Variants in FGA observed in about 807,000 individuals in gnomAD.
FGA encodes fibrinogen alpha chain.
Under a neutral mutation model 20.3 loss-of-function variants are expected in FGA, and 20 were observed. The observed-to-expected ratio is 0.99, with a 90% CI of 0.69 to 1.43. The LOEUF (loss-of-function observed/expected upper bound fraction) is 1.43, where lower values mean the gene tolerates loss of function less well. Among genes scored for constraint, FGA ranks in the 40% most tolerant of loss-of-function variants. FGA has a pLI of 0.00. For synonymous variants in FGA, 306 were observed against 281.6 expected, an observed-to-expected ratio of 1.09 and a Z score of -0.87; for missense variants, 777 against 784.7, an observed-to-expected ratio of 0.99 and a Z score of 0.12.
In FGA at chr4:154,589,422, C is replaced by T. The variant is rs768859554; in HGVS notation, c.180+15G>A. 3 of 1,613,632 alleles carry T rather than the reference C, an allele frequency of 1.9e-6. No individual in the cohort carries two copies. The highest frequency in any genetic ancestry group is 1.7e-5 in the Admixed American group (1 of 59,984). On this transcript the variant is annotated intron_variant, in intron 2 of 4. Coordinates refer to ENST00000403106, the MANE Select transcript of FGA (RefSeq NM_021871.4). Reference sequence around the variant, plus strand: ...AGAGGGAAGGAATCTCCTGCTTCCCCCGCTGACTGCTTACCCAGTCTTCAT... The same window carrying T: ...AGAGGGAAGGAATCTCCTGCTTCCCTCGCTGACTGCTTACCCAGTCTTCAT...
At chr4:154,584,088 A>AGG, downstream of FGA, 1 of 866,518 alleles carries the variant, frequency 1.2e-6, no homozygotes, top group Non-Finnish European at 1.6e-6. Context: ...TTCTCTAGCA[A>AGG]AGAAGACAGA....
chr4:154,587,756 A>AAAGGAAGGAAGG lies in FGA; in HGVS notation c.365-100_365-99insCCTTCCTTCCTT, dbSNP rs1730767749. ...AGAAAGGAAGGAAGGAGAAAGAAAG[A>AAAGGAAGGAAGG]AAGAAAGAAAGAAAGAAAGAAAGAA... is the stretch of plus-strand genomic sequence containing the variant. On this transcript the variant is annotated intron_variant, in intron 3 of 4. Transcript: ENST00000403106. The AAAGGAAGGAAGG allele has an allele frequency of 8.0e-6, 4 of 500,920 alleles. No homozygotes were observed. The African/African-American group carries it at 9.0e-5, about 11-fold the overall frequency. The allele number at this position is 500,920 out of a possible 1,614,324, so 31.0% of individuals were successfully genotyped here.
Position 154,585,861 on chromosome 4 carries a change from G to A in FGA, c.1568C>T (p.Ala523Val), listed in dbSNP as rs752253432. Residue 523 changes from alanine to valine, a missense_variant, in exon 5 of 5, where the codon GCC (alanine) becomes GTC (valine). Transcript: ENST00000403106. ...ACCTGGGAATGTTTTTCCAGTTGAG[G>A]CAGTGTCGAAGAAGGCAGCTTCATC... is the stretch of plus-strand genomic sequence containing the variant. ...HPDEAAFFDTASTGKTFPGFF... is the reference protein window; with the variant it reads ...HPDEAAFFDTVSTGKTFPGFF... 3 of 1,614,120 alleles carry A rather than the reference G, an allele frequency of 1.9e-6. No homozygotes were observed. The highest frequency in any genetic ancestry group is 1.1e-5 in the South Asian group (1 of 91,086).
chr4:154,586,056 C>G lies in FGA; in HGVS notation c.1373G>C (p.Arg458Pro). The G allele has an allele frequency of 3.1e-6, 5 of 1,614,106 alleles. No homozygotes were observed. The highest frequency in any genetic ancestry group is 4.2e-6 in the Non-Finnish European group (5 of 1,180,010). ...AGTAACGGTTTTAGAGCATGAACGA[C>G]GCGTGGTGGTTGTGCTACCAGAGGT... ...KVTSGSTTTT[R>P]RSCSKTVTKT... The change falls in exon 5 of 5, where the codon CGT becomes CCT. Residue 458 changes from arginine (R) to proline (P), a missense_variant. Physicochemically the swap from Arg to Pro is moderately radical, Grantham distance 103. Transcript: ENST00000403106.
chr4:154,585,565 C>T lies in FGA; in HGVS notation c.1864G>A (p.Gly622Ser). 1.2e-6 allele frequency: 2 copies of T among 1,614,110 alleles called. No homozygotes were observed. The highest frequency in any genetic ancestry group is 1.7e-6 in the Non-Finnish European group (2 of 1,179,990). Residue 622 changes from glycine (G) to serine (S), a missense_variant, in exon 5 of 5, where the codon GGC (glycine) becomes AGC (serine). Transcript: ENST00000403106. ...DHEGTHSTKR[G>S]HAKSRPVRGI... ...CTGACAGGGCGAGATTTAGCATGGC[C>T]TCTCTTGGTGCTATGTGTTCCTTCA... is the stretch of plus-strand genomic sequence containing the variant.
chr4:154,583,997 A>G, downstream of FGA: 1 of 751,080 alleles, frequency 1.3e-6, no homozygotes, highest in Middle Eastern at 3.7e-4. Flanking sequence ...GCTACAGTAC[A>G]AAGGATAAGA....
At chr4:154,584,624 C>A, downstream of FGA, 1 of 1,614,200 alleles carries the variant, frequency 6.2e-7, no homozygotes. Flanking sequence ...TCCCCCTCGT[C>A]ATTCAGGCTG....
In FGA at chr4:154,586,817, A is replaced by G. The variant is rs142656598; in HGVS notation, c.612T>C (p.Leu204=). The part of the protein sequence containing the change: ...LKDYEDQQKQ[L]EQVIAKDLLP... ...GTAAGTCTTTGGCAATGACCTGTTC[A>G]AGTTGCTTCTGCTGATCTTCATAGT... Residue 204 remains leucine (L), a synonymous_variant, in exon 5 of 5, where the codon CTT becomes CTC. Transcript: ENST00000403106. 1 of 1,614,084 alleles carries G rather than the reference A, an allele frequency of 6.2e-7. No individual in the cohort carries two copies. Among genetic ancestry groups the G allele is most frequent in the Non-Finnish European group, 8.5e-7 (1 of 1,180,042 alleles).
At position 154,586,803 on chromosome 4, in the gene FGA, G is replaced by T. The variant is rs754490462; in HGVS notation, c.626C>A (p.Ala209Asp). 13 of 1,614,126 alleles carry T rather than the reference G, an allele frequency of 8.1e-6. No individual in the cohort carries two copies. The highest frequency in any genetic ancestry group is 1.0e-5 in the Non-Finnish European group (12 of 1,180,024). The change falls in exon 5 of 5, where the codon GCC (alanine) becomes GAC (aspartate). Residue 209 changes from alanine (A) to aspartate (D), a missense_variant. Transcript: ENST00000403106. The part of the protein sequence containing the change: ...DQQKQLEQVI[A>D]KDLLPSRDRQ... ...ATCTCTAGAGGGAAGTAAGTCTTTG[G>T]CAATGACCTGTTCAAGTTGCTTCTG... is the stretch of plus-strand genomic sequence containing the variant.
chr4:154,588,286 T>A (rs1359335303), intron 3 of FGA, among the ~76,000 whole-genome samples: 1 of 152,196 alleles, frequency 6.6e-6, no homozygotes, highest in Non-Finnish European at 1.5e-5. Context: ...TCGCTGTCCA[T>A]GCCCAGAGTG....
chr4:154,584,112 C>A, downstream of FGA: 1 of 1,599,898 alleles, frequency 6.3e-7, no homozygotes, highest in South Asian at 1.1e-5. Context: ...CTCCCATTCC[C>A]ACTTCTTCAG....
Position 154,586,182 on chromosome 4 carries a change from A to T in FGA, c.1247T>A (p.Val416Glu). ...NNPDWGTFEE[V>E]SGNVSPGTRR... ...TGTCCCTGGACTTACATTTCCTGAC[A>T]CCTCTTCAAATGTGCCCCAGTCTGG... The change falls in exon 5 of 5, where the codon GTG becomes GAG. Residue 416 changes from valine (V) to glutamate (E), a missense_variant. Physicochemically the swap from Val to Glu is moderately radical, Grantham distance 121. Transcript: ENST00000403106. The T allele has an allele frequency of 6.2e-7, 1 of 1,613,940 alleles. No individual in the cohort carries two copies. The highest frequency in any genetic ancestry group is 8.5e-7 in the Non-Finnish European group (1 of 1,179,992).
chr4:154,586,445 A>G lies in FGA; in HGVS notation c.984T>C (p.Pro328=), dbSNP rs765412352. ...TATWKPGSSG[P]GSTGSWNSGS... ...CAGAGTTCCAGCTTCCAGTACTTCC[A>G]GGTCCAGAGCTCCCAGGTTTCCAGG... Residue 328 remains proline, a synonymous_variant, in exon 5 of 5, where the codon CCT becomes CCC. Coordinates refer to ENST00000403106, the MANE Select transcript of FGA (RefSeq NM_021871.4). 17 of 1,609,328 alleles carry G rather than the reference A, an allele frequency of 1.1e-5. No homozygotes were observed. The highest frequency in any genetic ancestry group is 1.4e-5 in the Non-Finnish European group (16 of 1,177,176).
In FGA at chr4:154,587,637, G is replaced by T. The variant is rs781289913; in HGVS notation, c.385C>A (p.Arg129=). 1 of 1,613,610 alleles carries T rather than the reference G, an allele frequency of 6.2e-7. No homozygotes were observed. Among genetic ancestry groups the T allele is most frequent in the African/African-American group, 1.3e-5 (1 of 74,788 alleles). Residue 129 remains arginine (R), a synonymous_variant, in exon 4 of 5, where the codon CGA becomes AGA. Coordinates refer to ENST00000403106, the MANE Select transcript of FGA (RefSeq NM_021871.4). ...SANNRDNTYN[R]VSEDLRSRIE... is the part of the protein sequence containing the mutation. The stretch of plus-strand genomic sequence containing the variant: ...CTGCTTCTCAGATCCTCTGACACTC[G>T]GTTGTAGGTATTATCACGGTCTGAA...
rs765393367 is a variant in FGA at position 154,585,456 on chromosome 4, G to A, written c.*38C>T. 3 of 1,373,850 alleles carry A rather than the reference G, an allele frequency of 2.2e-6. No individual in the cohort carries two copies. Among genetic ancestry groups the A allele is most frequent in the Admixed American group, 1.7e-5 (1 of 58,754 alleles). The allele number at this position is 1,373,850 out of a possible 1,614,324, so 85.1% of individuals were successfully genotyped here. On this transcript the variant is annotated 3_prime_UTR_variant, in exon 5 of 5. Transcript: ENST00000403106. ...CAGAGAGTTAAGAAGGAAATGCAAGGGGCCATGGGAACACTGTGCAGAAAT... is the reference window on the plus strand; with the variant it reads ...CAGAGAGTTAAGAAGGAAATGCAAGAGGCCATGGGAACACTGTGCAGAAAT...
downstream of FGA, chr4:154,583,901 T>C: frequency 5.4e-6 from 3 of 554,550 alleles, no homozygotes; most frequent in Non-Finnish European, 9.6e-6. Flanking sequence ...TTTATAAAAA[T>C]GTTAAAACCC....
In FGA at chr4:154,587,745, GAGAAAGAAAGAAAGAAAGAA is replaced by G. The variant is rs60443975; in HGVS notation, c.365-108_365-89del. 1.2e-3 allele frequency: 604 copies of G among 524,180 alleles called. 2 individuals are homozygous for G. Among genetic ancestry groups the G allele is most frequent in the Middle Eastern group, 3.6e-3 (8 of 2,228 alleles). 32.5% of individuals were successfully genotyped at this position (524,180 alleles called of 1,614,324 possible). ...AAAAGAAAGGAAGAAAGGAAGGAAG[GAGAAAGAAAGAAAGAAAGAA>G]AGAAAGAAAGAAAGAAAGAAAGAAA... On this transcript the variant is annotated intron_variant, in intron 3 of 4. Coordinates refer to ENST00000403106, the MANE Select transcript of FGA (RefSeq NM_021871.4).
chr4:154,589,485 T>C lies in FGA; in HGVS notation c.132A>G (p.Gln44=), dbSNP rs1381600746. The C allele has an allele frequency of 1.9e-6, 3 of 1,614,106 alleles. 1 individual carries two copies. Among genetic ancestry groups the C allele is most frequent in the Admixed American group, 1.7e-5 (1 of 60,028 alleles). Residue 44 remains glutamine (Q), a synonymous_variant, in exon 2 of 5, where the codon CAA becomes CAG. Coordinates refer to ENST00000403106, the MANE Select transcript of FGA (RefSeq NM_021871.4). ...GCCAGTCTGAATCTTTGCAGGCAGA[T>C]TGATGTCTTTCCACAACCCTTGGGC... ...VRGPRVVERH[Q]SACKDSDWPF...
At chr4:154,590,211 A>G (rs1464965932) in intron 1 of FGA, among the ~76,000 whole-genome samples, 1 of 152,224 alleles carries the variant, frequency 6.6e-6, no homozygotes, top group African/African-American at 2.4e-5. Flanking sequence ...ACTAACACTA[A>G]AAGTTCTGCT....
Sources: gnomAD v4.1 joint callset for allele counts (sites outside exome capture counted in the v4.1 genomes callset) on GRCh38, gnomAD v4.1.1 for gene constraint, MANE v1.5 for transcripts, NCBI Gene and HGNC (gene_info 2026-07-23, HGNC 2026-07-21) for gene names.